The following AHRR variants were observed in gnomAD, a reference collection of about 807,000 sequenced individuals.
The protein encoded by AHRR is aryl hydrocarbon receptor repressor, also known as ahR repressor.
AHRR carries 28 observed loss-of-function variants against 44.0 expected under a neutral mutation model. The observed-to-expected ratio is 0.64, with a 90% CI of 0.47 to 0.87. The LOEUF (loss-of-function observed/expected upper bound fraction) is 0.87, where lower values mean the gene tolerates loss of function less well. AHRR is among the 40% of genes least tolerant of loss of function. AHRR has a pLI of 0.00. For synonymous variants in AHRR, 434 were observed against 407.0 expected, an observed-to-expected ratio of 1.07 and a Z score of -0.80; for missense variants, 990 against 953.9, an observed-to-expected ratio of 1.04 and a Z score of -0.50.
intron 4 of AHRR, among the ~76,000 whole-genome samples, chr5:399,870 C>T (rs1734937316): frequency 6.6e-6 from 1 of 152,220 alleles, no homozygotes; most frequent in Admixed American, 6.5e-5. Context: ...TTTCAAATGT[C>T]GGAGCTGCTC....
At chr5:373,594 C>A (rs1306375324) in intron 3 of AHRR, among the ~76,000 whole-genome samples, 1 of 150,480 alleles carries the variant, frequency 6.6e-6, no homozygotes, top group Admixed American at 6.6e-5. Flanking sequence ...GGTGGCTGGG[C>A]GGAGGGGGGG....
chr5:333,558 T>G (rs1742013804), intron 1 of AHRR, among the ~76,000 whole-genome samples: 1 of 152,134 alleles, frequency 6.6e-6, no homozygotes, highest in African/African-American at 2.4e-5. Context: ...ATTGCACCAC[T>G]GCACTCCAGC....
rs1560906787 is a variant in AHRR, at chr5:397,028, GTAGCCCCTGACCATCCATGT to G, written c.352-16298_352-16279del. Among the ~76,000 whole-genome samples, 120 of 139,354 alleles carry G rather than the reference GTAGCCCCTGACCATCCATGT, an allele frequency of 8.6e-4. 15 individuals are homozygous for G. The highest frequency in any genetic ancestry group is 4.0e-3 in the Middle Eastern group (1 of 252). The allele number at this position is 139,354 out of a possible 152,430, so 91.4% of individuals were successfully genotyped here. A position where few individuals can be genotyped will look rare whatever the true frequency, so the allele number is the denominator to read the frequency against. On this transcript the variant is annotated intron_variant, in intron 4 of 10. Transcript: ENST00000684583. ...TCCACGTTAGCCCCTGACCATCCAT[GTAGCCCCTGACCATCCATGT>G]TAGCCCCTGACCATCCACGTAGCCC... is the stretch of plus-strand genomic sequence containing the variant.
chr5:393,461 C>T (rs535859963), intron 4 of AHRR, among the ~76,000 whole-genome samples: 5 of 152,340 alleles, frequency 3.3e-5, no homozygotes, highest in African/African-American at 1.2e-4. Flanking sequence ...GAGAACACTG[C>T]TGTGTCTTCG....
At chr5:376,526 G>A (rs1258456603) in intron 3 of AHRR, 84 bp from the exon 4 acceptor site, 7 of 1,436,424 alleles carry the variant, frequency 4.9e-6, no homozygotes, top group African/African-American at 1.5e-5. Context: ...GGTGAACGCG[G>A]GGAAACACAG....
At chr5:365,338 T>G (rs1166977239) in intron 3 of AHRR, among the ~76,000 whole-genome samples, 2 of 152,066 alleles carry the variant, frequency 1.3e-5, no homozygotes, top group Admixed American at 1.3e-4. Flanking sequence ...TAGAAATCGA[T>G]AATAACAAGA....
intron 1 of AHRR, chr5:343,687 AC>A: frequency 1.9e-6 from 1 of 532,374 alleles, no homozygotes; most frequent in Non-Finnish European, 3.3e-6. Flanking sequence ...CCCAGGCGTG[AC>A]CCGGCCCCGG....
intron 3 of AHRR, among the ~76,000 whole-genome samples, chr5:368,211 G>A (rs1372462975): frequency 6.6e-6 from 1 of 151,898 alleles, no homozygotes; most frequent in Non-Finnish European, 1.5e-5. Flanking sequence ...CTCAGTGAGG[G>A]CTCGGTGCCC....
In AHRR at chr5:391,337, A is replaced by AGGAG. The variant is rs1341737977; in HGVS notation, c.351+14623_351+14624insAGGG. Among the ~76,000 whole-genome samples, 568 of 129,998 alleles carry AGGAG rather than the reference A, an allele frequency of 4.4e-3. 52 individuals are homozygous for AGGAG. Among genetic ancestry groups the AGGAG allele is most frequent in the Middle Eastern group, 7.6e-3 (2 of 262 alleles). The allele number at this position is 129,998 out of a possible 152,430, so 85.3% of individuals were successfully genotyped here. A position where few individuals can be genotyped will look rare whatever the true frequency, so the allele number is the denominator to read the frequency against. On this transcript the variant is annotated intron_variant, in intron 4 of 10. Coordinates refer to ENST00000684583, the MANE Select transcript of AHRR (RefSeq NM_001377236.1). ...CCAGAGCGTGCACGGGCGCAGGGCG[A>AGGAG]GGCGGGCGCAGGGCGAGGCAGGGCC...
Position 343,979 on chromosome 5 carries a change from C to T in AHRR, c.62+15C>T, listed in dbSNP as rs1393145440. ...CTGCAGAAACAGTAAAGTATCCCGC[C>T]TTCTGCTTGTGTGGGTTGTTGCACC... On this transcript the variant is annotated intron_variant, in intron 2 of 10. Transcript: ENST00000684583. The T allele has an allele frequency of 1.3e-6, 2 of 1,593,870 alleles. No homozygotes were observed. The highest frequency in any genetic ancestry group is 1.7e-6 in the Non-Finnish European group (2 of 1,171,206).
chr5:391,374 G>A (rs1319669046), intron 4 of AHRR, among the ~76,000 whole-genome samples: 6 of 116,128 alleles, frequency 5.2e-5, no homozygotes, highest in Admixed American at 4.2e-4. Flanking sequence ...GAGCGTGCAT[G>A]GGCGCAGGGC....
intron 2 of AHRR, among the ~76,000 whole-genome samples, chr5:352,674 G>A (rs1742898068): frequency 6.9e-6 from 1 of 145,010 alleles, no homozygotes; most frequent in Admixed American, 6.8e-5. Flanking sequence ...GAGGTTAAAT[G>A]GGTCAGCTGT....
intron 4 of AHRR, among the ~76,000 whole-genome samples, chr5:392,385 A>C (rs1396571510): frequency 1.1e-4 from 13 of 113,522 alleles, no homozygotes; most frequent in African/African-American, 4.2e-4. Flanking sequence ...CAGGGCGAGG[A>C]GGGCGCAGGG....
intron 4 of AHRR, among the ~76,000 whole-genome samples, chr5:389,560 G>A (rs1734319291): frequency 6.6e-6 from 1 of 152,058 alleles, no homozygotes; most frequent in African/African-American, 2.4e-5. Context: ...CCCATTCTGT[G>A]GAAAAGCTCG....
At position 423,823 on chromosome 5, in the gene AHRR, G is replaced by T. The variant is rs770361649; in HGVS notation, c.572-18G>T. 2.6e-5 allele frequency: 41 copies of T among 1,583,996 alleles called. No homozygotes were observed. The highest frequency in any genetic ancestry group is 3.5e-5 in the Admixed American group (2 of 57,600). ...GGCTTCTCCCACCGCCACGCCCCTT[G>T]GCCCCTATGGTCTGCAGGAGATGAT... is the stretch of plus-strand genomic sequence containing the variant. On this transcript the variant is annotated intron_variant, in intron 6 of 10. Transcript: ENST00000684583.
intron 4 of AHRR, 106 bp from the exon 5 acceptor site, chr5:413,235 GACT>G: frequency 1.4e-6 from 1 of 721,780 alleles, no homozygotes; most frequent in South Asian, 1.9e-5. Flanking sequence ...TATGAATATG[GACT>G]ACAAAACAGG....
intron 1 of AHRR, among the ~76,000 whole-genome samples, chr5:331,626 C>G (rs1439447952): frequency 6.6e-6 from 1 of 152,194 alleles, no homozygotes; most frequent in East Asian, 1.9e-4. Flanking sequence ...CCTCAACCCC[C>G]AGGCCTCGGA....
At chr5:378,088 G>T (rs1579641960) in intron 4 of AHRR, among the ~76,000 whole-genome samples, 1 of 152,358 alleles carries the variant, frequency 6.6e-6, no homozygotes, top group African/African-American at 2.4e-5. Context: ...GCATCTGGTA[G>T]GTTGTATGGT....
At chr5:380,740 A>G (rs1436937024) in intron 4 of AHRR, among the ~76,000 whole-genome samples, 1 of 152,224 alleles carries the variant, frequency 6.6e-6, no homozygotes, top group East Asian at 1.9e-4. Context: ...GATTTTTTAA[A>G]ACATAGATTT....
Sources: allele counts gnomAD v4.1 joint callset (sites outside exome capture counted in the v4.1 genomes callset), GRCh38; gene constraint gnomAD v4.1.1; transcripts MANE v1.5; gene names NCBI Gene and HGNC (gene_info 2026-07-23, HGNC 2026-07-21).